Variants in HNRNPM observed in about 807,000 individuals in gnomAD.
The protein encoded by HNRNPM is CEA receptor.
In HNRNPM, 11 loss-of-function variants were observed where a neutral mutation model predicts 73.1. That is an observed-to-expected ratio of 0.15 (90% CI 0.09 to 0.25). The LOEUF (loss-of-function observed/expected upper bound fraction) is 0.25. Among genes scored for constraint, HNRNPM ranks in the 10% least tolerant of loss-of-function variants. HNRNPM has a pLI of 1.00. For synonymous variants in HNRNPM, 407 were observed against 355.2 expected, an observed-to-expected ratio of 1.15 and a Z score of -1.64; for missense variants, 789 against 1,067.9, an observed-to-expected ratio of 0.74 and a Z score of 3.64.
chr19:8,488,589 C>A, intron 15 of HNRNPM, 102 bp from the exon 16 acceptor site: 3 of 1,009,086 alleles, frequency 3.0e-6, no homozygotes, highest in Middle Eastern at 2.4e-4. Context: ...GTATTCTGAG[C>A]CTTTGTGCTC....
Position 8,485,936 on chromosome 19 carries a change from G to T in HNRNPM, c.1508G>T (p.Arg503Leu). The change falls in exon 14 of 16, where the codon CGT becomes CTT. Residue 503 changes from arginine to leucine, a missense_variant. Physicochemically the swap from Arg to Leu is moderately radical, Grantham distance 102. Around this residue, in one of 4 missense-constraint regions of HNRNPM, gnomAD observed 604 missense variants for 744.0 expected, o/e 0.81. Coordinates refer to ENST00000325495, the MANE Select transcript of HNRNPM (RefSeq NM_005968.5). ...GLERMAAPIDRVGQTIERMGS... is the reference protein window; with the variant it reads ...GLERMAAPIDLVGQTIERMGS... ...GAGCGCATGGCCGCTCCCATCGACC[G>T]TGTGGGCCAGACCATTGAGCGCATG... 6.2e-7 allele frequency: 1 copy of T among 1,605,934 alleles called. No homozygotes were observed. The highest frequency in any genetic ancestry group is 8.5e-7 in the Non-Finnish European group (1 of 1,179,368).
At chr19:8,474,392 T>G in intron 12 of HNRNPM, 148 bp downstream of exon 12, 1 of 524,104 alleles carries the variant, frequency 1.9e-6, no homozygotes, top group Non-Finnish European at 3.4e-6. Context: ...GCCTTAAATA[T>G]TTCAAAAACT....
intron 12 of HNRNPM, among the ~76,000 whole-genome samples, chr19:8,474,773 G>A (rs1347210628): frequency 2.0e-5 from 3 of 149,892 alleles, no homozygotes; most frequent in Non-Finnish European, 3.0e-5. Flanking sequence ...GGAGTGCAAT[G>A]GTGCGATCTT....
intron 2 of HNRNPM, among the ~76,000 whole-genome samples, chr19:8,458,460 T>G (rs1029509185): frequency 1.3e-5 from 2 of 152,230 alleles, no homozygotes; most frequent in Non-Finnish European, 2.9e-5. Context: ...TACATTTGTT[T>G]GAGACCAAGT....
intron 13 of HNRNPM, 34 bp downstream of exon 13, chr19:8,483,245 T>C (rs1260166148): frequency 6.5e-7 from 1 of 1,542,438 alleles, no homozygotes; most frequent in Non-Finnish European, 9.0e-7. Flanking sequence ...TTTGTTTTTT[T>C]AGAACAGGCT....
chr19:8,453,636 G>A (rs1199614071), intron 1 of HNRNPM, among the ~76,000 whole-genome samples: 1 of 152,018 alleles, frequency 6.6e-6, no homozygotes, highest in African/African-American at 2.4e-5. Context: ...AGTAGAGCCC[G>A]TGGTCTGGGA....
At position 8,479,078 on chromosome 19, in the gene HNRNPM, C is replaced by CTTTTTTTTTTTTTTTT. The variant is rs74176651; in HGVS notation, c.1121-4071_1121-4056dup. On this transcript the variant is annotated intron_variant, in intron 12 of 15. Coordinates refer to ENST00000325495, the MANE Select transcript of HNRNPM (RefSeq NM_005968.5). ...ATTTCCTCCTCTTTTTTCTTTCTTT[C>CTTTTTTTTTTTTTTTT]TTTTTTTTTTTTTTTTTTTTTTTTC... 4.1e-4 allele frequency among the ~76,000 whole-genome samples: 30 copies of CTTTTTTTTTTTTTTTT among 73,832 alleles called. 1 individual carries two copies. The highest frequency in any genetic ancestry group is 5.9e-4 in the Admixed American group (3 of 5,108). 48.4% of individuals were successfully genotyped at this position (73,832 alleles called of 152,430 possible).
In HNRNPM at chr19:8,458,132, T is replaced by C. The variant is rs192461510; in HGVS notation, c.283+2558T>C. On this transcript the variant is annotated intron_variant, in intron 2 of 15. Coordinates refer to ENST00000325495, the MANE Select transcript of HNRNPM (RefSeq NM_005968.5). Reference sequence around the variant, plus strand: ...AAGAGGGGAGCTTTTTTTCTAAGGATACTCCGGGGGGAGATTGTCTCACAT... The same window carrying C: ...AAGAGGGGAGCTTTTTTTCTAAGGACACTCCGGGGGGAGATTGTCTCACAT... Among the ~76,000 whole-genome samples the C allele has an allele frequency of 3.9e-3, 581 of 150,888 alleles. 1 individual carries two copies. The highest frequency in any genetic ancestry group is 0.013 in the African/African-American group (540 of 40,248).
intron 14 of HNRNPM, 129 bp from the exon 15 acceptor site, chr19:8,486,895 C>G: frequency 1.3e-6 from 1 of 783,788 alleles, no homozygotes; most frequent in Non-Finnish European, 2.3e-6. Context: ...TGCTGATCGC[C>G]TCAGTCTGAA....
At chr19:8,453,559 A>G (rs552309132) in intron 1 of HNRNPM, among the ~76,000 whole-genome samples, 4 of 152,282 alleles carry the variant, frequency 2.6e-5, no homozygotes, top group Admixed American at 2.6e-4. Flanking sequence ...ACTTTTATAA[A>G]TCATTAATAC....
rs373217343 is a variant in HNRNPM at position 8,485,905 on chromosome 19, G to C, written c.1477G>C (p.Gly493Arg). ...GCGCATGGGTGCCGGCATGGGCTTC[G>C]GCCTTGAGCGCATGGCCGCTCCCAT... ...VERMGAGMGF[G>R]LERMAAPIDR... Residue 493 changes from glycine (G) to arginine (R), a missense_variant, in exon 14 of 16, where the codon GGC (glycine) becomes CGC (arginine). By Grantham distance (125) the Gly-to-Arg change is moderately radical. Around this residue, in one of 4 missense-constraint regions of HNRNPM, gnomAD observed 604 missense variants for 744.0 expected, o/e 0.81. Transcript: ENST00000325495. 1 of 1,604,552 alleles carries C rather than the reference G, an allele frequency of 6.2e-7. No homozygotes were observed. The highest frequency in any genetic ancestry group is 2.2e-5 in the East Asian group (1 of 44,812).
At chr19:8,473,043 C>T (rs891530290) in intron 10 of HNRNPM, among the ~76,000 whole-genome samples, 8 of 151,828 alleles carry the variant, frequency 5.3e-5, no homozygotes, top group Non-Finnish European at 1.0e-4. Flanking sequence ...ATTTGGAGGC[C>T]GAGGGTTTGA....
intron 11 of HNRNPM, 115 bp downstream of exon 11, chr19:8,473,823 G>A (rs1455941819): frequency 1.4e-6 from 1 of 735,266 alleles, no homozygotes; most frequent in Non-Finnish European, 2.3e-6. Context: ...TTCAGTTTGA[G>A]TCTAGAAATG....
chr19:8,462,642 G>A lies in HNRNPM; in HGVS notation c.336+61G>A. 2 of 1,340,508 alleles carry A rather than the reference G, an allele frequency of 1.5e-6. No individual in the cohort carries two copies. The highest frequency in any genetic ancestry group is 2.3e-5 in the South Asian group (2 of 85,530). 83.0% of individuals were successfully genotyped at this position (1,340,508 alleles called of 1,614,324 possible). The stretch of plus-strand genomic sequence containing the variant: ...TACATGAAAAATGTAACTGTATGGT[G>A]GCGTGGAATCGAATGAAATCAGGAA... On this transcript the variant is annotated intron_variant, in intron 3 of 15. Transcript: ENST00000325495. This position sits in a 1 kb window ranked among gnomAD's most constrained non-coding sequence, Gnocchi z 4.5.
intron 1 of HNRNPM, 94 bp downstream of exon 1, chr19:8,445,205 C>T: frequency 1.1e-5 from 13 of 1,137,262 alleles, no homozygotes; most frequent in Non-Finnish European, 1.5e-5. Flanking sequence ...GGCCTAGCCC[C>T]GGCGCGGCCT....
At chr19:8,470,795 A>G (rs1471351057) in intron 9 of HNRNPM, among the ~76,000 whole-genome samples, 1 of 152,092 alleles carries the variant, frequency 6.6e-6, no homozygotes, top group African/African-American at 2.4e-5. Context: ...CTGGGTATCC[A>G]GTTGTGGGTT....
chr19:8,479,078 C>CTTTTTTTTTTTTTTTTT (rs74176651), intron 12 of HNRNPM, among the ~76,000 whole-genome samples: 195 of 73,792 alleles, frequency 2.6e-3, no homozygotes, highest in Non-Finnish European at 3.5e-3. Flanking sequence ...TTCTTTCTTT[C>CTTTTTTTTTTTTTTTTT]TTTTTTTTTT....
chr19:8,453,828 A>C (rs1460777122), intron 1 of HNRNPM, among the ~76,000 whole-genome samples: 2 of 152,254 alleles, frequency 1.3e-5, no homozygotes, highest in Admixed American at 6.5e-5. Context: ...GCGCCCTGTC[A>C]GCCAGTGCCC....
At chr19:8,473,340 A>G (rs545402045) in intron 10 of HNRNPM, among the ~76,000 whole-genome samples, 2 of 152,252 alleles carry the variant, frequency 1.3e-5, no homozygotes, top group African/African-American at 4.8e-5. Flanking sequence ...AGGCGCCTGT[A>G]ATCTCAGCTA....
Sources: gnomAD v4.1 joint callset for allele counts (sites outside exome capture counted in the v4.1 genomes callset) on GRCh38, gnomAD v4.1.1 for gene constraint, gnomAD v4.1.1 regional missense constraint, Gnocchi (gnomAD v3.1) non-coding constraint, MANE v1.5 for transcripts, NCBI Gene and HGNC (gene_info 2026-07-23, HGNC 2026-07-21) for gene names.